DAB1: variants seen among roughly 807,000 people sequenced by gnomAD.
The protein encoded by DAB1 is disabled homolog 1.
In DAB1, 15 loss-of-function variants were observed where a neutral mutation model predicts 64.6. The observed-to-expected ratio is 0.23, with a 90% confidence interval of 0.16 to 0.36. DAB1 has a LOEUF of 0.36. Ranked by LOEUF, DAB1 falls within the 10% of genes least tolerant of loss-of-function variation. The probability of loss-of-function intolerance (pLI) is 1.00; values close to 1 mark genes in which losing one functional copy is unlikely to be tolerated. For synonymous variants in DAB1, 235 were observed against 251.9 expected (o/e 0.93, Z 0.64); for missense variants, 596 against 706.7 (o/e 0.84, Z 1.78).
intron 1 of DAB1, among the ~76,000 whole-genome samples, chr1:57,407,929 G>A (rs1268620728): frequency 1.3e-5 from 2 of 152,184 alleles, no homozygotes; most frequent in Non-Finnish European, 2.9e-5. Flanking sequence ...TTAAATGTTT[G>A]ATGAGACCAA....
intron 2 of DAB1, among the ~76,000 whole-genome samples, chr1:57,253,105 T>A (rs1669477191): frequency 6.6e-6 from 1 of 152,146 alleles, no homozygotes; most frequent in Non-Finnish European, 1.5e-5. Context: ...TGGGAACAGC[T>A]GGGAGGAGTG....
At chr1:57,083,582 G>C (rs1652768648) in intron 4 of DAB1, among the ~76,000 whole-genome samples, 1 of 152,194 alleles carries the variant, frequency 6.6e-6, no homozygotes, top group Non-Finnish European at 1.5e-5. Flanking sequence ...GTTGTACCCA[G>C]TCTGAAATTA....
At chr1:57,871,921 C>G (rs779259594) in intron 1 of DAB1, among the ~76,000 whole-genome samples, 15 of 152,106 alleles carry the variant, frequency 9.9e-5, no homozygotes, top group Non-Finnish European at 1.8e-4. Context: ...GTTCATTCAA[C>G]AGACACCAAA....
At chr1:57,774,024 T>G in intron 6 of DAB1, among the ~76,000 whole-genome samples, 1 of 151,932 alleles carries the variant, frequency 6.6e-6, no homozygotes, top group African/African-American at 2.4e-5. Context: ...GATTGTAAAT[T>G]TTGGCGGGGG....
chr1:57,198,006 C>T (rs1459694030), intron 2 of DAB1, among the ~76,000 whole-genome samples: 1 of 151,966 alleles, frequency 6.6e-6, no homozygotes, highest in African/African-American at 2.4e-5. Context: ...CATAAGAAAC[C>T]CTCTTTGCAC....
chr1:57,324,590 G>A (rs1447146844), intron 1 of DAB1, among the ~76,000 whole-genome samples: 1 of 151,958 alleles, frequency 6.6e-6, no homozygotes, highest in Non-Finnish European at 1.5e-5. Context: ...TTAGAGAGGA[G>A]AATGATGAGA....
At chr1:58,090,690 A>G (rs776349472) in intron 5 of DAB1, among the ~76,000 whole-genome samples, 3 of 152,044 alleles carry the variant, frequency 2.0e-5, no homozygotes, top group Non-Finnish European at 4.4e-5. Flanking sequence ...CCCACTACTC[A>G]TTTAGGGAGG....
In DAB1 at chr1:57,666,757, T is replaced by G. The variant is rs531020738; in HGVS notation, n.552-17092A>C. On this transcript the variant is annotated intron_variant and non_coding_transcript_variant, in intron 6 of 20. Coordinates refer to the DAB1 transcript ENST00000485760. Reference sequence around the variant, plus strand: ...AACTACCATCATCTTTCACCTTGATTATTGCAATAGCGTGCTTAGCAGTTT... The same window carrying G: ...AACTACCATCATCTTTCACCTTGATGATTGCAATAGCGTGCTTAGCAGTTT... Among the ~76,000 whole-genome samples, 6 of 152,244 alleles carry G rather than the reference T, an allele frequency of 3.9e-5. No individual in the cohort carries two copies. In the East Asian group the frequency reaches 1.2e-3, roughly 29 times the overall value.
chr1:57,181,713 G>A (rs1662955622), intron 2 of DAB1, among the ~76,000 whole-genome samples: 1 of 152,154 alleles, frequency 6.6e-6, no homozygotes, highest in Admixed American at 6.5e-5. Context: ...GTGTATGCAA[G>A]CAGGAATAAG....
chr1:57,748,608 T>G (rs1409726320), intron 6 of DAB1, among the ~76,000 whole-genome samples: 1 of 152,226 alleles, frequency 6.6e-6, no homozygotes, highest in Non-Finnish European at 1.5e-5. Flanking sequence ...CAGAAGTTAC[T>G]GAAATTTAGA....
At chr1:57,335,688 A>T (rs1328630356) in intron 1 of DAB1, among the ~76,000 whole-genome samples, 3 of 152,170 alleles carry the variant, frequency 2.0e-5, no homozygotes, top group Non-Finnish European at 1.5e-5. Flanking sequence ...CATCTGAATC[A>T]ACTGATAAAC....
intron 4 of DAB1, among the ~76,000 whole-genome samples, chr1:57,079,615 G>T (rs1652299763): frequency 6.6e-6 from 1 of 152,130 alleles, no homozygotes; most frequent in African/African-American, 2.4e-5. Context: ...ACTTGCCAGG[G>T]CCTGCAGAGC....
intron 4 of DAB1, among the ~76,000 whole-genome samples, chr1:58,274,639 T>C (rs1041492893): frequency 1.3e-5 from 2 of 151,978 alleles, no homozygotes; most frequent in Non-Finnish European, 2.9e-5. Flanking sequence ...CTCAGACTTC[T>C]GTGCTAGCAG....
chr1:57,162,112 C>T (rs1041295564), intron 2 of DAB1, among the ~76,000 whole-genome samples: 4 of 152,170 alleles, frequency 2.6e-5, no homozygotes, highest in African/African-American at 7.2e-5. Flanking sequence ...ATTTTCCCTG[C>T]GAGAATGCCT....
At chr1:57,456,041 A>G (rs766746748) in intron 7 of DAB1, among the ~76,000 whole-genome samples, 1 of 152,176 alleles carries the variant, frequency 6.6e-6, no homozygotes, top group Non-Finnish European at 1.5e-5. Flanking sequence ...TGCAACGAAC[A>G]AAAGCTAACA....
intron 1 of DAB1, among the ~76,000 whole-genome samples, chr1:57,298,888 A>C (rs1558118074): frequency 6.6e-6 from 1 of 152,220 alleles, no homozygotes; most frequent in Non-Finnish European, 1.5e-5. Context: ...AATTTCACAA[A>C]GTCTATAGAA....
chr1:57,280,144 T>C (rs1246649833), intron 2 of DAB1, among the ~76,000 whole-genome samples: 1 of 152,206 alleles, frequency 6.6e-6, no homozygotes, highest in Non-Finnish European at 1.5e-5. Context: ...TCTCTGAGCC[T>C]CAGTTGCCTC....
intron 4 of DAB1, among the ~76,000 whole-genome samples, chr1:57,081,928 CTT>C: frequency 6.6e-6 from 1 of 152,160 alleles, no homozygotes; most frequent in Non-Finnish European, 1.5e-5. Context: ...ACTTTAAAAA[CTT>C]AAGAAATAAC....
intron 6 of DAB1, among the ~76,000 whole-genome samples, chr1:57,790,726 A>T (rs1162571522): frequency 1.3e-5 from 2 of 152,210 alleles, no homozygotes; most frequent in Admixed American, 1.3e-4. Context: ...TCTGCCCAAG[A>T]TATCTATCGC....
Sources: gnomAD v4.1 joint callset for allele counts (sites outside exome capture counted in the v4.1 genomes callset) on GRCh38, gnomAD v4.1.1 for gene constraint, MANE v1.5 for transcripts, NCBI Gene and HGNC (gene_info 2026-07-23, HGNC 2026-07-21) for gene names.